CYP7B1: variants seen among roughly 807,000 people sequenced by gnomAD.
CYP7B1 encodes cytochrome P450 7B1.
CYP7B1 carries 29 observed loss-of-function variants against 42.7 expected under a neutral mutation model. The observed-to-expected ratio is 0.68, with a 90% CI of 0.51 to 0.93. The LOEUF (loss-of-function observed/expected upper bound fraction) is 0.93. Ranked by LOEUF, CYP7B1 falls within the 40% of genes least tolerant of loss-of-function variation. The pLI, the probability that CYP7B1 is intolerant of heterozygous loss-of-function variation, is 0.00. For missense variants in CYP7B1, 655 were observed against 600.5 expected (o/e 1.09, Z -0.95); for synonymous variants, 235 against 218.2 (o/e 1.08, Z -0.68).
chr8:64,706,233 A>G (rs1271901748), intron 1 of CYP7B1, among the ~76,000 whole-genome samples: 1 of 152,070 alleles, frequency 6.6e-6, no homozygotes, highest in East Asian at 1.9e-4. Flanking sequence ...GAAATTTTAG[A>G]GTACAAAGGT....
At chr8:64,723,576 G>A (rs1461830335) in intron 1 of CYP7B1, among the ~76,000 whole-genome samples, 3 of 152,088 alleles carry the variant, frequency 2.0e-5, no homozygotes, top group Non-Finnish European at 4.4e-5. Flanking sequence ...ATTTTAGTTG[G>A]GAACACATGT....
chr8:64,618,431 T>C (rs1177482901), intron 2 of CYP7B1, among the ~76,000 whole-genome samples: 1 of 152,164 alleles, frequency 6.6e-6, no homozygotes, highest in African/African-American at 2.4e-5. Flanking sequence ...TCTATATTCA[T>C]CTAAATCTAA....
chr8:64,729,875 T>C (rs1488768959), intron 1 of CYP7B1, among the ~76,000 whole-genome samples: 1 of 152,222 alleles, frequency 6.6e-6, no homozygotes, highest in Non-Finnish European at 1.5e-5. Flanking sequence ...GTCCTTTTTG[T>C]CACAAATAGT....
At chr8:64,716,452 A>G (rs1258103486) in intron 1 of CYP7B1, among the ~76,000 whole-genome samples, 1 of 152,144 alleles carries the variant, frequency 6.6e-6, no homozygotes. Flanking sequence ...CACACCTGTA[A>G]TCTCAGCACT....
At chr8:64,769,891 C>T (rs80232490) in intron 1 of CYP7B1, among the ~76,000 whole-genome samples, 3,481 of 152,256 alleles carry the variant, frequency 0.023, 117 homozygotes, top group African/African-American at 0.075. Flanking sequence ...GGGCCAAGTA[C>T]CACCACCTTC....
chr8:64,617,105 A>G (rs998944765), intron 2 of CYP7B1, among the ~76,000 whole-genome samples: 12 of 152,308 alleles, frequency 7.9e-5, no homozygotes, highest in Admixed American at 6.5e-4. Context: ...AGTCTGCTTC[A>G]GTCAGCCTGG....
At chr8:64,600,519 G>C (rs1365147815) in intron 5 of CYP7B1, among the ~76,000 whole-genome samples, 1 of 152,130 alleles carries the variant, frequency 6.6e-6, no homozygotes, top group East Asian at 1.9e-4. Context: ...AAAAAAGTCA[G>C]TGTTTTGAAT....
At chr8:64,758,531 A>ATTATTTAAATAT in intron 1 of CYP7B1, among the ~76,000 whole-genome samples, 1 of 152,050 alleles carries the variant, frequency 6.6e-6, no homozygotes. Context: ...AATATTTAAT[A>ATTATTTAAATAT]TTATTTAAAT....
chr8:64,713,065 T>C (rs1039728299), intron 1 of CYP7B1, among the ~76,000 whole-genome samples: 1 of 152,126 alleles, frequency 6.6e-6, no homozygotes, highest in African/African-American at 2.4e-5. Flanking sequence ...ATAAGAGAAA[T>C]TGAATAAAAC....
At chr8:64,640,098 T>C (rs1442356834) in intron 1 of CYP7B1, among the ~76,000 whole-genome samples, 1 of 151,992 alleles carries the variant, frequency 6.6e-6, no homozygotes, top group Non-Finnish European at 1.5e-5. Context: ...AAGATAAAAA[T>C]AGAGGCAAAA....
intron 1 of CYP7B1, 53 bp downstream of exon 1, chr8:64,798,413 C>A (rs1175757185): frequency 1.4e-6 from 2 of 1,444,576 alleles, no homozygotes; most frequent in Admixed American, 3.0e-5. Flanking sequence ...CTGGGTCGCG[C>A]GCGGCCCGCG....
At chr8:64,651,134 G>T (rs1211949028) in intron 1 of CYP7B1, among the ~76,000 whole-genome samples, 1 of 152,200 alleles carries the variant, frequency 6.6e-6, no homozygotes, top group Admixed American at 6.5e-5. Context: ...TTTAGGGGTT[G>T]CTTAATGTTA....
chr8:64,650,512 G>T (rs996102114), intron 1 of CYP7B1, among the ~76,000 whole-genome samples: 2 of 152,104 alleles, frequency 1.3e-5, no homozygotes, highest in Non-Finnish European at 2.9e-5. Context: ...GCTGGGCATG[G>T]TGGCATGCAC....
chr8:64,786,376 A>C (rs1804526758), intron 1 of CYP7B1, among the ~76,000 whole-genome samples: 1 of 152,210 alleles, frequency 6.6e-6, no homozygotes, highest in South Asian at 2.1e-4. Flanking sequence ...GAATTGGGTA[A>C]ATACACCCAT....
chr8:64,596,613 T>C lies in CYP7B1; in HGVS notation c.*29A>G. The C allele has an allele frequency of 6.3e-7, 1 of 1,583,118 alleles. No individual in the cohort carries two copies. On this transcript the variant is annotated 3_prime_UTR_variant, in exon 6 of 6. Coordinates refer to ENST00000310193, the MANE Select transcript of CYP7B1 (RefSeq NM_004820.5). ...CTTAGGATGTTTAGGGTAATTTTGA[T>C]AGATTTATTTTCTTTCCTTTTAGCT...
In CYP7B1 at chr8:64,616,285, G is replaced by GAAA. The variant is rs8192896; in HGVS notation, c.260-7_260-5dup. 3 of 1,193,232 alleles carry GAAA rather than the reference G, an allele frequency of 2.5e-6. No homozygotes were observed. Among genetic ancestry groups the GAAA allele is most frequent in the Non-Finnish European group, 3.4e-6 (3 of 883,118 alleles). The allele number at this position is 1,193,232 out of a possible 1,614,324, so 73.9% of individuals were successfully genotyped here. ...AGGATAAATGTTATGTACTTTCCTA[G>GAAA]AAAAAAAAAAAGAGAGAGAAAATAT... On this transcript the variant is annotated splice_region_variant and splice_polypyrimidine_tract_variant and intron_variant, in intron 2 of 5. Coordinates refer to ENST00000310193, the MANE Select transcript of CYP7B1 (RefSeq NM_004820.5).
intron 1 of CYP7B1, among the ~76,000 whole-genome samples, chr8:64,766,696 C>T (rs888769710): frequency 8.5e-5 from 13 of 152,210 alleles, no homozygotes; most frequent in Non-Finnish European, 1.3e-4. Flanking sequence ...TCGTCCTTGC[C>T]CCTTATGTCA....
At chr8:64,739,620 A>G (rs1463059698) in intron 1 of CYP7B1, among the ~76,000 whole-genome samples, 1 of 152,220 alleles carries the variant, frequency 6.6e-6, no homozygotes, top group Non-Finnish European at 1.5e-5. Context: ...ATACTAGAAG[A>G]AAAGAGAGAT....
chr8:64,743,169 T>G (rs1807594398), intron 1 of CYP7B1, among the ~76,000 whole-genome samples: 1 of 152,184 alleles, frequency 6.6e-6, no homozygotes, highest in African/African-American at 2.4e-5. Flanking sequence ...ATTTTCCATT[T>G]TTTTAATATT....
Sources: allele counts gnomAD v4.1 joint callset (sites outside exome capture counted in the v4.1 genomes callset), GRCh38; gene constraint gnomAD v4.1.1; transcripts MANE v1.5; gene names NCBI Gene and HGNC (gene_info 2026-07-23, HGNC 2026-07-21).